Variants in VPS52 observed in about 807,000 individuals in gnomAD.
VPS52 encodes the protein VPS52 subunit of GARP complex.
VPS52 carries 56 observed loss-of-function variants against 98.7 expected under a neutral mutation model. The ratio of observed to expected loss-of-function variants is 0.57; its 90% CI spans 0.46 to 0.71. The LOEUF (loss-of-function observed/expected upper bound fraction) is 0.71. Ranked by LOEUF, VPS52 falls within the 30% of genes least tolerant of loss-of-function variation. The pLI is 0.00. For synonymous variants in VPS52, 348 were observed against 346.4 expected (o/e 1.00, Z -0.05); for missense variants, 742 against 925.9 (o/e 0.80, Z 2.58).
chr6:33,266,852 T>C, intron 11 of VPS52, 140 bp from the exon 12 acceptor site: 1 of 1,169,902 alleles, frequency 8.5e-7, no homozygotes, highest in Non-Finnish European at 1.2e-6. Flanking sequence ...CCGGGCTGTC[T>C]AAGAGCAAGC....
At chr6:33,251,093 C>T (rs1762175725) in intron 19 of VPS52, 106 bp from the exon 20 acceptor site, 11 of 1,508,920 alleles carry the variant, frequency 7.3e-6, no homozygotes, top group Non-Finnish European at 9.0e-6. Context: ...CTTGTAATCC[C>T]AGCACTGTGG....
At chr6:33,270,586 G>A (rs2150863043) in intron 1 of VPS52, among the ~76,000 whole-genome samples, 1 of 152,262 alleles carries the variant, frequency 6.6e-6, no homozygotes, top group South Asian at 2.1e-4. Context: ...GAGGAGATCA[G>A]GAGTTCAAGG....
rs1764813680 is a variant in VPS52, at chr6:33,270,027, T to G, written c.200A>C (p.Asp67Ala). 6.2e-7 allele frequency: 1 copy of G among 1,614,200 alleles called. No homozygotes were observed. Among genetic ancestry groups the G allele is most frequent in the African/African-American group, 1.3e-5 (1 of 75,050 alleles). The stretch of plus-strand genomic sequence containing the variant: ...TTTAAGAGCTTCCTTTACTAACTCA[T>G]CCTCCAGATTTGCCTGAATGTGAAC... The part of the protein sequence containing the change: ...VDVHIQANLE[D>A]ELVKEALKTG... The change falls in exon 3 of 20, where the codon GAT becomes GCT. Residue 67 changes from aspartate (D) to alanine (A), a missense_variant. Physicochemically the swap from Asp to Ala is moderately radical, Grantham distance 126. Coordinates refer to ENST00000445902, the MANE Select transcript of VPS52 (RefSeq NM_022553.6).
At chr6:33,265,041 C>T (rs954284898) in intron 12 of VPS52, 141 bp from the exon 13 acceptor site, 2 of 774,328 alleles carry the variant, frequency 2.6e-6, no homozygotes, top group African/African-American at 3.4e-5. Context: ...GGAACTGCCC[C>T]CTGCTTTCCT....
Position 33,251,551 on chromosome 6 carries a change from G to T in VPS52, c.1992C>A (p.Phe664Leu). 6 of 1,613,900 alleles carry T rather than the reference G, an allele frequency of 3.7e-6. No individual in the cohort carries two copies. The highest frequency in any genetic ancestry group is 5.1e-6 in the Non-Finnish European group (6 of 1,179,906). The change falls in exon 19 of 20, where the codon TTC becomes TTA. Residue 664 changes from phenylalanine (F) to leucine (L), a missense_variant. Phe to Leu is a conservative substitution (Grantham distance 22). Transcript: ENST00000445902. ...ESLSQDVMRS[F>L]TNFRNGTSII... The stretch of plus-strand genomic sequence containing the variant: ...TACTGGTGCCATTTCTGAAGTTGGT[G>T]AAACTCCGCATTACATCCTGACTCA...
Position 33,267,365 on chromosome 6 carries a change from G to T in VPS52, c.992-44C>A. ...AGGGAAAACAATGAGACCATAACTG[G>T]GCCCAAAGACTCACTATCTGTGGGG... On this transcript the variant is annotated intron_variant, in intron 10 of 19. Transcript: ENST00000445902. This position sits in a 1 kb window ranked among gnomAD's most constrained non-coding sequence, Gnocchi z 4.2. The T allele has an allele frequency of 6.5e-7, 1 of 1,529,324 alleles. No individual in the cohort carries two copies. Among genetic ancestry groups the T allele is most frequent in the Non-Finnish European group, 8.8e-7 (1 of 1,138,512 alleles). 94.7% of individuals were successfully genotyped at this position (1,529,324 alleles called of 1,614,324 possible).
At chr6:33,260,445 CTG>C (rs1491252755) in intron 17 of VPS52, among the ~76,000 whole-genome samples, 1 of 151,632 alleles carries the variant, frequency 6.6e-6, no homozygotes, top group African/African-American at 2.4e-5. Flanking sequence ...AGTGCAGTGG[CTG>C]TTTTGTTTTT....
At chr6:33,264,546 G>A (rs1304284088) in intron 13 of VPS52, 49 bp from the exon 14 acceptor site, 3 of 1,610,340 alleles carry the variant, frequency 1.9e-6, no homozygotes, top group Admixed American at 3.3e-5. Flanking sequence ...AATGTTGGAG[G>A]GGGATGGGAG....
At chr6:33,252,714 A>G (rs1175076715) in intron 17 of VPS52, among the ~76,000 whole-genome samples, 2 of 152,210 alleles carry the variant, frequency 1.3e-5, no homozygotes, top group Non-Finnish European at 2.9e-5. Context: ...TCAACAGATT[A>G]ACAAGAATTA....
chr6:33,263,630 T>C lies in VPS52; in HGVS notation c.1729-81A>G, dbSNP rs114242644. The stretch of plus-strand genomic sequence containing the variant: ...GATGTCCCCTTCATTCCACACTTAT[T>C]GTACTAAGCTGGACACTGTGCCAGA... On this transcript the variant is annotated intron_variant, in intron 16 of 19. Coordinates refer to ENST00000445902, the MANE Select transcript of VPS52 (RefSeq NM_022553.6). 1,704 of 1,588,820 alleles carry C rather than the reference T, an allele frequency of 1.1e-3. 21 individuals are homozygous for C. In the African/African-American group the frequency reaches 0.021, roughly 20 times the overall value.
chr6:33,252,550 C>CT (rs1215694832), intron 17 of VPS52, among the ~76,000 whole-genome samples: 1 of 145,830 alleles, frequency 6.9e-6, no homozygotes, highest in African/African-American at 2.6e-5. Flanking sequence ...GATCATGCCA[C>CT]TGCACTCCAG....
chr6:33,261,867 C>T (rs776001405), intron 17 of VPS52, among the ~76,000 whole-genome samples: 3 of 151,722 alleles, frequency 2.0e-5, no homozygotes, highest in African/African-American at 4.8e-5. Context: ...ATGGTGAAAC[C>T]CCATCTCTAC....
rs1762117123 is a variant in VPS52, at chr6:33,250,741, G to A, written c.*100C>T. The A allele has an allele frequency of 6.7e-7, 1 of 1,495,854 alleles. No homozygotes were observed. The highest frequency in any genetic ancestry group is 1.4e-5 in the African/African-American group (1 of 71,606). 92.7% of individuals were successfully genotyped at this position (1,495,854 alleles called of 1,614,324 possible). A position where few individuals can be genotyped will look rare whatever the true frequency, so the allele number is the denominator to read the frequency against. On this transcript the variant is annotated 3_prime_UTR_variant, in exon 20 of 20. Transcript: ENST00000445902. ...GCCATGTCAAGGGCCTGGGAAGCAA[G>A]GGGAAAACTGGAAGGGGTACCCCAG...
rs200548835 is a variant in VPS52, at chr6:33,267,343, G to A, written c.992-22C>T. The A allele has an allele frequency of 3.5e-4, 550 of 1,553,492 alleles. 2 individuals carry two copies. The highest frequency in any genetic ancestry group is 1.2e-3 in the South Asian group (94 of 80,850). On this transcript the variant is annotated intron_variant, in intron 10 of 19. Coordinates refer to ENST00000445902, the MANE Select transcript of VPS52 (RefSeq NM_022553.6). This position sits in a 1 kb window ranked among gnomAD's most constrained non-coding sequence, Gnocchi z 4.2. The stretch of plus-strand genomic sequence containing the variant: ...AATCGTAAGATGGGTCAGAGTCAGG[G>A]AAAACAATGAGACCATAACTGGGCC...
chr6:33,271,771 C>A lies in VPS52; in HGVS notation c.-96G>T. ...CAAAGGGTCTTCCTCAGCGCGAAAT[C>A]GTTCCCAGATATTTGAGTTAAGTTG... On this transcript the variant is annotated 5_prime_UTR_variant, in exon 1 of 20. Coordinates refer to ENST00000445902, the MANE Select transcript of VPS52 (RefSeq NM_022553.6). The A allele has an allele frequency of 6.8e-7, 1 of 1,480,302 alleles. No individual in the cohort carries two copies. The highest frequency in any genetic ancestry group is 1.4e-5 in the South Asian group (1 of 72,906). The allele number at this position is 1,480,302 out of a possible 1,614,324, so 91.7% of individuals were successfully genotyped here.
At chr6:33,265,845 A>G (rs1008706016) in intron 12 of VPS52, among the ~76,000 whole-genome samples, 2 of 132,232 alleles carry the variant, frequency 1.5e-5, no homozygotes, top group Non-Finnish European at 3.4e-5. Context: ...TTCATGGGGG[A>G]GTAACACTGT....
At chr6:33,255,346 C>G (rs1762799615) in intron 17 of VPS52, among the ~76,000 whole-genome samples, 1 of 152,014 alleles carries the variant, frequency 6.6e-6, no homozygotes, top group African/African-American at 2.4e-5. Flanking sequence ...ATCCCAGCTG[C>G]TCTCAGCAGA....
chr6:33,261,057 C>T (rs766330276), intron 17 of VPS52, among the ~76,000 whole-genome samples: 5 of 151,592 alleles, frequency 3.3e-5, no homozygotes, highest in Non-Finnish European at 7.4e-5. Context: ...AAGACCAGCC[C>T]AGGCAACAGT....
At chr6:33,256,840 TAAAAAAAAA>T (rs534430706) in intron 17 of VPS52, among the ~76,000 whole-genome samples, 1 of 91,720 alleles carries the variant, frequency 1.1e-5, no homozygotes, top group Non-Finnish European at 2.3e-5. Flanking sequence ...AGACTCTGTC[TAAAAAAAAA>T]AAAAAAGAAA....
Sources: allele counts gnomAD v4.1 joint callset (sites outside exome capture counted in the v4.1 genomes callset), GRCh38; gene constraint gnomAD v4.1.1; non-coding constraint Gnocchi (gnomAD v3.1); transcripts MANE v1.5; gene names NCBI Gene and HGNC (gene_info 2026-07-23, HGNC 2026-07-21).